The following TRAPPC9 variants were observed in gnomAD, a reference collection of about 807,000 sequenced individuals.
TRAPPC9 encodes the protein trafficking protein particle complex subunit 9, also known as IKK2 binding protein.
A neutral mutation model predicts 124.0 loss-of-function variants in TRAPPC9; 83 were observed. The observed-to-expected ratio is 0.67, with a 90% CI of 0.56 to 0.80. The LOEUF is 0.80. Ranked by LOEUF, TRAPPC9 falls within the 30% of genes least tolerant of loss-of-function variation. The pLI is 0.00. For missense variants in TRAPPC9, 1,302 were observed against 1,508.3 expected, an observed-to-expected ratio of 0.86 and a Z score of 2.27; for synonymous variants, 638 against 617.5, an observed-to-expected ratio of 1.03 and a Z score of -0.49.
chr8:140,132,384 G>A (rs1260943933), intron 17 of TRAPPC9, among the ~76,000 whole-genome samples: 1 of 152,138 alleles, frequency 6.6e-6, no homozygotes, highest in African/African-American at 2.4e-5. Context: ...TGCCAGAGGC[G>A]TTTGTAAAAC....
chr8:140,003,330 T>C (rs1021502487), intron 18 of TRAPPC9, among the ~76,000 whole-genome samples: 1 of 152,028 alleles, frequency 6.6e-6, no homozygotes, highest in Non-Finnish European at 1.5e-5. Context: ...ATCCCAGCAC[T>C]TTGGGAGGCT....
chr8:139,841,088 C>T (rs1479458867), intron 21 of TRAPPC9, among the ~76,000 whole-genome samples: 1 of 152,208 alleles, frequency 6.6e-6, no homozygotes, highest in Non-Finnish European at 1.5e-5. Context: ...CGCATTCCTC[C>T]TGGAAGCTCC....
chr8:140,186,106 A>G lies in TRAPPC9; in HGVS notation c.2556+35353T>C, dbSNP rs73362999. Among the ~76,000 whole-genome samples, 703 of 152,370 alleles carry G rather than the reference A, an allele frequency of 4.6e-3. 7 individuals are homozygous for G. The highest frequency in any genetic ancestry group is 0.016 in the African/African-American group (671 of 41,586). On this transcript the variant is annotated intron_variant, in intron 17 of 22. Transcript: ENST00000438773. ...ATGCAAAAGATAATAAAGCCCTGTGAAAATTATAAATTACTAAACAAACTT... is the reference window on the plus strand; with the variant it reads ...ATGCAAAAGATAATAAAGCCCTGTGGAAATTATAAATTACTAAACAAACTT...
chr8:140,201,597 A>T (rs1468000013), intron 17 of TRAPPC9, among the ~76,000 whole-genome samples: 1 of 152,240 alleles, frequency 6.6e-6, no homozygotes, highest in Non-Finnish European at 1.5e-5. Context: ...GAACGGATCT[A>T]ATTTCAAATA....
chr8:140,014,235 G>A (rs980251812), intron 18 of TRAPPC9, among the ~76,000 whole-genome samples: 1 of 152,106 alleles, frequency 6.6e-6, no homozygotes, highest in Non-Finnish European at 1.5e-5. Flanking sequence ...ATCGTTTATT[G>A]TAACAGGCTA....
intron 19 of TRAPPC9, among the ~76,000 whole-genome samples, chr8:139,980,414 C>G (rs572622045): frequency 1.3e-5 from 2 of 152,150 alleles, no homozygotes; most frequent in East Asian, 3.9e-4. Flanking sequence ...GAAATTGGGT[C>G]CGGTCACCTC....
chr8:140,304,435 C>T (rs910286624), intron 10 of TRAPPC9, among the ~76,000 whole-genome samples: 11 of 151,976 alleles, frequency 7.2e-5, no homozygotes, highest in Non-Finnish European at 1.6e-4. Flanking sequence ...TCCATGTTTC[C>T]GGGCATAGGA....
rs543899035 is a variant in TRAPPC9, at chr8:140,216,025, G to A, written c.2556+5434C>T. ...CGAGTGCAGGATACAGAGGCGTTGGGACTCTGTCCACAGGTAAAATTCAGA... is the reference window on the plus strand; with the variant it reads ...CGAGTGCAGGATACAGAGGCGTTGGAACTCTGTCCACAGGTAAAATTCAGA... On this transcript the variant is annotated intron_variant, in intron 17 of 22. Coordinates refer to ENST00000438773, the MANE Select transcript of TRAPPC9 (RefSeq NM_001160372.4). The surrounding 1 kb of genome is among the most constrained non-coding windows in gnomAD (Gnocchi z 4.1). The A allele has an allele frequency of 2.0e-5, 3 of 152,314 alleles. No homozygotes were observed. In the South Asian group the frequency reaches 6.2e-4, roughly 32 times the overall value. 9.4% of individuals were successfully genotyped at this position (152,314 alleles called of 1,614,324 possible).
At chr8:140,445,915 G>C (rs2132671667) in intron 2 of TRAPPC9, among the ~76,000 whole-genome samples, 1 of 152,332 alleles carries the variant, frequency 6.6e-6, no homozygotes, top group East Asian at 1.9e-4. Flanking sequence ...AGAGTGTCCT[G>C]CAGGGCTGCC....
At chr8:140,054,881 T>TAGTA in intron 17 of TRAPPC9, among the ~76,000 whole-genome samples, 1 of 151,642 alleles carries the variant, frequency 6.6e-6, no homozygotes, top group South Asian at 2.1e-4. Flanking sequence ...GAATCACAAC[T>TAGTA]AGTAAGATGA....
intron 19 of TRAPPC9, among the ~76,000 whole-genome samples, chr8:139,918,145 G>C (rs1167174926): frequency 6.6e-6 from 1 of 152,204 alleles, no homozygotes; most frequent in East Asian, 1.9e-4. Context: ...TCTGAATCTT[G>C]AGCTCCTCAC....
chr8:140,365,648 C>T (rs1389896668), intron 8 of TRAPPC9, among the ~76,000 whole-genome samples: 1 of 152,206 alleles, frequency 6.6e-6, no homozygotes, highest in Non-Finnish European at 1.5e-5. Flanking sequence ...AACTGCACGG[C>T]GACCCTGCCC....
intron 15 of TRAPPC9, among the ~76,000 whole-genome samples, chr8:140,259,290 A>C (rs1182168090): frequency 6.6e-6 from 1 of 152,126 alleles, no homozygotes; most frequent in Non-Finnish European, 1.5e-5. Context: ...TTCCCATCCC[A>C]CATCACTGCT....
At chr8:139,757,622 G>C (rs919158255) in intron 21 of TRAPPC9, among the ~76,000 whole-genome samples, 1 of 152,016 alleles carries the variant, frequency 6.6e-6, no homozygotes, top group Admixed American at 6.5e-5. Context: ...AGTGGGCCCA[G>C]TGGCTGCTCT....
At chr8:139,830,131 G>C (rs552711703) in intron 21 of TRAPPC9, among the ~76,000 whole-genome samples, 1 of 152,326 alleles carries the variant, frequency 6.6e-6, no homozygotes, top group South Asian at 2.1e-4. Context: ...ATGGTCTGTG[G>C]CCTGCTAGCA....
intron 21 of TRAPPC9, among the ~76,000 whole-genome samples, chr8:139,878,107 A>T (rs1359872542): frequency 6.6e-6 from 1 of 152,278 alleles, no homozygotes; most frequent in East Asian, 1.9e-4. Flanking sequence ...TATAATAGCA[A>T]ACATTCTGAA....
intron 21 of TRAPPC9, among the ~76,000 whole-genome samples, chr8:139,817,811 C>A (rs187923464): frequency 2.0e-5 from 3 of 152,192 alleles, no homozygotes; most frequent in African/African-American, 7.2e-5. Flanking sequence ...TAAAGACTTT[C>A]GGGAATACCT....
intron 19 of TRAPPC9, among the ~76,000 whole-genome samples, chr8:139,923,580 CCTT>C (rs35342330): frequency 0.16 from 23,848 of 152,222 alleles, 1,955 homozygotes; most frequent in South Asian, 0.24. Context: ...CTGCTGGCCT[CCTT>C]CTCTCCCTGT....
chr8:140,353,323 C>G lies in TRAPPC9; in HGVS notation c.1495+6727G>C, dbSNP rs918346427. Among the ~76,000 whole-genome samples the G allele has an allele frequency of 1.3e-5, 2 of 152,140 alleles. No homozygotes were observed. Among genetic ancestry groups the G allele is most frequent in the Non-Finnish European group, 2.9e-5 (2 of 68,028 alleles). ...CCCCTCCCATCTCATGGGACCCCCC[C>G]CTTTCGTCACTCCTCAGTCTTTTCA... On this transcript the variant is annotated intron_variant, in intron 9 of 22. Coordinates refer to ENST00000438773, the MANE Select transcript of TRAPPC9 (RefSeq NM_001160372.4). The surrounding 1 kb of genome is among the most constrained non-coding windows in gnomAD (Gnocchi z 4.2).
Sources: allele counts gnomAD v4.1 joint callset (sites outside exome capture counted in the v4.1 genomes callset), GRCh38; gene constraint gnomAD v4.1.1; non-coding constraint Gnocchi (gnomAD v3.1); transcripts MANE v1.5; gene names NCBI Gene and HGNC (gene_info 2026-07-23, HGNC 2026-07-21).